NOX4: variants seen among roughly 807,000 people sequenced by gnomAD.
NOX4 encodes kidney oxidase-1.
NOX4 carries 69 observed loss-of-function variants against 87.6 expected under a neutral mutation model. That is an observed-to-expected ratio of 0.79 (90% CI 0.65 to 0.96). The LOEUF is 0.96. Among genes scored for constraint, NOX4 ranks in the 40% least tolerant of loss-of-function variants. NOX4 has a pLI of 0.00. For synonymous variants in NOX4, 275 were observed against 238.2 expected (o/e 1.15, Z -1.42); for missense variants, 680 against 681.5 (o/e 1.00, Z 0.02).
At chr11:89,586,953 C>T in the NOX4 span, among the ~76,000 whole-genome samples, 6 of 151,950 alleles carry the variant, frequency 3.9e-5, no homozygotes, top group Admixed American at 2.0e-4. Context: ...AGCTATTGCA[C>T]GGATTCTATG....
rs771407905 is a variant in NOX4 at position 89,451,848 on chromosome 11, G to T, written c.201C>A (p.Asn67Lys). Residue 67 changes from asparagine (N) to lysine (K), a missense_variant, in exon 3 of 18, where the codon AAC becomes AAA. Asn to Lys is a moderately conservative substitution (Grantham distance 94). Coordinates refer to ENST00000263317, the MANE Select transcript of NOX4 (RefSeq NM_016931.5). ...SRASASVLNL[N>K]CSLILLPMCR... ...ACATGGGTAAAAGGATAAGGCTGCA[G>T]TTGAGGTTAAGAACAGATGCTGAGG... is the stretch of plus-strand genomic sequence containing the variant. The T allele has an allele frequency of 1.9e-6, 3 of 1,613,364 alleles. No individual in the cohort carries two copies. In the African/African-American group the frequency reaches 4.0e-5, roughly 22 times the overall value.
chr11:89,371,956 C>G (rs1939476808), intron 12 of NOX4, among the ~76,000 whole-genome samples: 1 of 151,722 alleles, frequency 6.6e-6, no homozygotes, highest in African/African-American at 2.4e-5. Flanking sequence ...AGCTGGCTAC[C>G]CTTTCTAAAG....
chr11:89,401,343 G>A (rs977731582), intron 9 of NOX4, among the ~76,000 whole-genome samples: 4 of 151,920 alleles, frequency 2.6e-5, no homozygotes, highest in African/African-American at 7.3e-5. Context: ...AATGGGAGTC[G>A]CCATACCTGC....
chr11:89,572,577 T>A, the NOX4 span, among the ~76,000 whole-genome samples: 1 of 152,090 alleles, frequency 6.6e-6, no homozygotes. Flanking sequence ...TGAGACGGAG[T>A]CTCACTCTGT....
At chr11:89,424,237 T>G (rs1050105542) in intron 7 of NOX4, among the ~76,000 whole-genome samples, 1 of 151,806 alleles carries the variant, frequency 6.6e-6, no homozygotes, top group African/African-American at 2.4e-5. Flanking sequence ...ATTCAATTTT[T>G]CAAACTAATT....
At chr11:89,512,887 A>G in the NOX4 span, among the ~76,000 whole-genome samples, 2 of 152,110 alleles carry the variant, frequency 1.3e-5, no homozygotes, top group East Asian at 1.9e-4. Context: ...GTAGGATTCT[A>G]TCTTGACTTG....
chr11:89,352,778 C>G (rs942099952), intron 13 of NOX4, among the ~76,000 whole-genome samples: 7 of 152,092 alleles, frequency 4.6e-5, no homozygotes, highest in African/African-American at 1.7e-4. Context: ...TATGGATGAG[C>G]AAGTAAAGTA....
At chr11:89,563,456 C>A in the NOX4 span, among the ~76,000 whole-genome samples, 1 of 152,146 alleles carries the variant, frequency 6.6e-6, no homozygotes, top group African/African-American at 2.4e-5. Flanking sequence ...TATACTCCAA[C>A]CATATCACTT....
At chr11:89,524,035 A>G in the NOX4 span, among the ~76,000 whole-genome samples, 1 of 152,210 alleles carries the variant, frequency 6.6e-6, no homozygotes, top group South Asian at 2.1e-4. Context: ...GAAATGGGAA[A>G]GATGGTGGGA....
chr11:89,350,663 G>A (rs1946416426), intron 13 of NOX4, among the ~76,000 whole-genome samples: 1 of 152,116 alleles, frequency 6.6e-6, no homozygotes, highest in Admixed American at 6.6e-5. Context: ...AAATATCAAT[G>A]TAGATACATA....
chr11:89,495,487 A>C (rs1946938405), upstream of NOX4, among the ~76,000 whole-genome samples: 1 of 152,148 alleles, frequency 6.6e-6, no homozygotes, highest in Non-Finnish European at 1.5e-5. Flanking sequence ...GCTCACCCAG[A>C]TAATCCAGGA....
chr11:89,544,470 A>C, the NOX4 span, among the ~76,000 whole-genome samples: 3 of 152,282 alleles, frequency 2.0e-5, no homozygotes, highest in Admixed American at 1.3e-4. Flanking sequence ...TCAGAGATTC[A>C]GAGTGCTTTA....
chr11:89,400,304 G>T lies in NOX4; in HGVS notation c.922C>A (p.Pro308Thr), dbSNP rs763837916. Residue 308 changes from proline to threonine, a missense_variant, in exon 10 of 18, where the codon CCA (proline) becomes ACA (threonine). Coordinates refer to ENST00000263317, the MANE Select transcript of NOX4 (RefSeq NM_016931.5). ...CTCATGACCGAAATGATGGTGACTG[G>T]CTTATTGCTCCGGATATACCTGTAA... is the stretch of plus-strand genomic sequence containing the variant. The part of the protein sequence containing the change: ...RLYRYIRSNK[P>T]VTIISVMSHP... 6.2e-7 allele frequency: 1 copy of T among 1,612,850 alleles called. No individual in the cohort carries two copies. Among genetic ancestry groups the T allele is most frequent in the Non-Finnish European group, 8.5e-7 (1 of 1,179,276 alleles).
At position 89,419,687 on chromosome 11, in the gene NOX4, A is replaced by G. The variant is rs1942984670; in HGVS notation, c.629+2215T>C. Among the ~76,000 whole-genome samples the G allele has an allele frequency of 3.3e-5, 5 of 151,950 alleles. 1 individual carries two copies. In the South Asian group the frequency reaches 1.0e-3, roughly 32 times the overall value. The stretch of plus-strand genomic sequence containing the variant: ...AGATGCCTACTATTTCTCTGTATAA[A>G]TTAAAGTCACTTTCTATGACACTTG... On this transcript the variant is annotated intron_variant, in intron 8 of 17. Coordinates refer to ENST00000263317, the MANE Select transcript of NOX4 (RefSeq NM_016931.5).
chr11:89,361,520 G>A (rs1049014426), intron 12 of NOX4, among the ~76,000 whole-genome samples: 2 of 152,050 alleles, frequency 1.3e-5, no homozygotes, highest in African/African-American at 2.4e-5. Context: ...CATTGCTTGG[G>A]TGATGGGTGC....
chr11:89,512,223 A>G, the NOX4 span, among the ~76,000 whole-genome samples: 1 of 152,072 alleles, frequency 6.6e-6, no homozygotes, highest in Non-Finnish European at 1.5e-5. Context: ...GGTAATAGAC[A>G]TATCCATCAT....
the NOX4 span, among the ~76,000 whole-genome samples, chr11:89,512,001 A>T: frequency 6.6e-6 from 1 of 152,082 alleles, no homozygotes; most frequent in Non-Finnish European, 1.5e-5. Flanking sequence ...TATATTGCTG[A>T]ATTTGGCTCT....
At chr11:89,362,501 C>G (rs1239089426) in intron 12 of NOX4, among the ~76,000 whole-genome samples, 1 of 151,940 alleles carries the variant, frequency 6.6e-6, no homozygotes. Flanking sequence ...CTGTTGGCTC[C>G]TGATCATATA....
chr11:89,328,140 T>C (rs957968080), intron 17 of NOX4, among the ~76,000 whole-genome samples: 4 of 151,998 alleles, frequency 2.6e-5, no homozygotes, highest in African/African-American at 9.7e-5. Context: ...GAGCAGAATA[T>C]GGAAGGGAAG....
Sources: allele counts gnomAD v4.1 joint callset (sites outside exome capture counted in the v4.1 genomes callset), GRCh38; gene constraint gnomAD v4.1.1; transcripts MANE v1.5; gene names NCBI Gene and HGNC (gene_info 2026-07-23, HGNC 2026-07-21).